VPS26C: variants seen among roughly 807,000 people sequenced by gnomAD.
VPS26C encodes vacuolar protein sorting-associated protein 26C.
In VPS26C, 19 loss-of-function variants were observed where a neutral mutation model predicts 30.6. That is an observed-to-expected ratio of 0.62 (90% CI 0.43 to 0.91). VPS26C has a LOEUF of 0.91. Among genes scored for constraint, VPS26C ranks in the 40% least tolerant of loss-of-function variants. The probability of loss-of-function intolerance (pLI) is 0.00; values close to 1 mark genes in which losing one functional copy is unlikely to be tolerated. For missense variants in VPS26C, 318 were observed against 385.1 expected (o/e 0.83, Z 1.46); for synonymous variants, 132 against 151.5 (o/e 0.87, Z 0.95).
chr21:37,253,907 C>T lies in VPS26C; in HGVS notation c.58-13268G>A, dbSNP rs1361430242. On this transcript the variant is annotated intron_variant, in intron 1 of 7. Transcript: ENST00000309117. ...TCCAAATCTGAAAAAATTCCAAAAT[C>T]CAAAACACCTCTAGTCCCAAGCATT... 3.3e-5 allele frequency among the ~76,000 whole-genome samples: 5 copies of T among 152,250 alleles called. No homozygotes were observed. The East Asian group carries it at 9.6e-4, about 29-fold the overall frequency.
At chr21:37,242,557 G>A (rs1052657603) in intron 1 of VPS26C, among the ~76,000 whole-genome samples, 3 of 152,132 alleles carry the variant, frequency 2.0e-5, no homozygotes, top group Admixed American at 6.5e-5. Flanking sequence ...CTGCACTCCA[G>A]CCTGAGTAAT....
intron 3 of VPS26C, among the ~76,000 whole-genome samples, chr21:37,237,932 C>T (rs555356285): frequency 1.3e-5 from 2 of 152,322 alleles, no homozygotes; most frequent in South Asian, 2.1e-4. Flanking sequence ...TCTCACCCCG[C>T]GTGGACTCCA....
intron 1 of VPS26C, among the ~76,000 whole-genome samples, chr21:37,259,964 T>C (rs2086287696): frequency 6.6e-6 from 1 of 152,214 alleles, no homozygotes; most frequent in African/African-American, 2.4e-5. Flanking sequence ...TGTTGGAAGC[T>C]AGGATAAGTG....
chr21:37,233,256 C>T lies in VPS26C; in HGVS notation c.432+106G>A, dbSNP rs1834795846. 1.0e-6 allele frequency: 1 copy of T among 963,466 alleles called. No homozygotes were observed. The highest frequency in any genetic ancestry group is 1.6e-5 in the African/African-American group (1 of 62,358). The allele number at this position is 963,466 out of a possible 1,614,324, so 59.7% of individuals were successfully genotyped here. ...AAGTCTTGTGTCTTCTGCCAGCACC[C>T]GTGAAACAGTAAGAGGCTAAATGGT... On this transcript the variant is annotated intron_variant, in intron 4 of 7. Coordinates refer to ENST00000309117, the MANE Select transcript of VPS26C (RefSeq NM_006052.2). This position sits in a 1 kb window ranked among gnomAD's most constrained non-coding sequence, Gnocchi z 5.2.
intron 1 of VPS26C, among the ~76,000 whole-genome samples, chr21:37,245,661 G>C (rs1232844463): frequency 6.6e-6 from 1 of 152,202 alleles, no homozygotes; most frequent in African/African-American, 2.4e-5. Flanking sequence ...AGGGCAGAGT[G>C]ATTGGCAACA....
intron 3 of VPS26C, among the ~76,000 whole-genome samples, chr21:37,236,774 T>G (rs1409403285): frequency 6.6e-6 from 1 of 152,166 alleles, no homozygotes; most frequent in Admixed American, 6.5e-5. Flanking sequence ...AATTCCAAAT[T>G]GTAGTACTCT....
At chr21:37,267,629 G>A (rs1358141598), upstream of VPS26C, 7 of 329,166 alleles carry the variant, frequency 2.1e-5, no homozygotes, top group African/African-American at 4.4e-5. Context: ...CCGGGTTAGC[G>A]GAGGGAGGGA....
rs150772143 is a variant in VPS26C, at chr21:37,227,751, G to A, written c.714C>T (p.Ala238=). Residue 238 remains alanine (A), a synonymous_variant, in exon 7 of 8, where the codon GCC becomes GCT. Transcript: ENST00000309117. ...DATEIQNIQI[A]DGDVCRGLSV... ...AGAGGCCCCTGCACACATCCCCGTC[G>A]GCGATCTGAATGTTCTGAATCTCCG... The A allele has an allele frequency of 2.5e-5, 40 of 1,614,182 alleles. No individual in the cohort carries two copies. Among genetic ancestry groups the A allele is most frequent in the South Asian group, 3.3e-5 (3 of 91,090 alleles).
At chr21:37,232,957 G>A (rs537948943) in intron 4 of VPS26C, among the ~76,000 whole-genome samples, 2 of 152,214 alleles carry the variant, frequency 1.3e-5, no homozygotes, top group African/African-American at 2.4e-5. Context: ...TACTTTAAAC[G>A]TTACCAAAAC....
chr21:37,257,320 C>G lies in VPS26C; in HGVS notation c.57+9918G>C, dbSNP rs561511411. Among the ~76,000 whole-genome samples, 14 of 152,214 alleles carry G rather than the reference C, an allele frequency of 9.2e-5. No individual in the cohort carries two copies. The East Asian group carries it at 2.1e-3, about 23-fold the overall frequency. On this transcript the variant is annotated intron_variant, in intron 1 of 7. Transcript: ENST00000309117. The surrounding 1 kb of genome is among the most constrained non-coding windows in gnomAD (Gnocchi z 4.2). ...TGGACAGGCAAACAGGCAAGGTTCC[C>G]TCTGAGGCCGTAGCGGCTTCTCGTG...
chr21:37,267,508 C>G, upstream of VPS26C: 1 of 585,268 alleles, frequency 1.7e-6, no homozygotes, highest in Non-Finnish European at 3.0e-6. Flanking sequence ...TTAGTGCGGG[C>G]CGAAGCGCTG....
At chr21:37,247,081 G>A (rs1482601748) in intron 1 of VPS26C, among the ~76,000 whole-genome samples, 1 of 152,168 alleles carries the variant, frequency 6.6e-6, no homozygotes, top group African/African-American at 2.4e-5. Context: ...GTAGCTGTAA[G>A]CCATATGTGA....
At chr21:37,229,191 C>CT (rs1371342349) in intron 5 of VPS26C, 1 of 152,790 alleles carries the variant, frequency 6.5e-6, no homozygotes, top group African/African-American at 2.4e-5. Flanking sequence ...TGATGATGGT[C>CT]TAGAGCAGGG....
chr21:37,240,608 C>G lies in VPS26C; in HGVS notation c.89G>C (p.Ser30Thr). ...TCCCTGGTGTTGGACTGAATCCTTA[C>G]TCGATATGACCACCACGCCAGAGAG... ...EVLSGVVVISSKDSVQHQGVS... is the reference protein window; with the variant it reads ...EVLSGVVVISTKDSVQHQGVS... Residue 30 changes from serine (S) to threonine (T), a missense_variant, in exon 2 of 8, where the codon AGT becomes ACT. Coordinates refer to ENST00000309117, the MANE Select transcript of VPS26C (RefSeq NM_006052.2). 1 of 1,614,224 alleles carries G rather than the reference C, an allele frequency of 6.2e-7. No individual in the cohort carries two copies.
In VPS26C at chr21:37,252,001, C is replaced by T. The variant is rs149040948; in HGVS notation, c.58-11362G>A. Among the ~76,000 whole-genome samples, 32 of 152,326 alleles carry T rather than the reference C, an allele frequency of 2.1e-4. No individual in the cohort carries two copies. The East Asian group carries it at 5.6e-3, about 27-fold the overall frequency. Reference sequence around the variant, plus strand: ...GGGATGCACCATGACAGCCCATCTTCGTTCCCCACAGTCGTGTGCATATAT... The same window carrying T: ...GGGATGCACCATGACAGCCCATCTTTGTTCCCCACAGTCGTGTGCATATAT... On this transcript the variant is annotated intron_variant, in intron 1 of 7. Coordinates refer to ENST00000309117, the MANE Select transcript of VPS26C (RefSeq NM_006052.2).
intron 1 of VPS26C, among the ~76,000 whole-genome samples, chr21:37,256,542 G>A (rs1287136173): frequency 1.3e-5 from 2 of 152,076 alleles, no homozygotes; most frequent in Admixed American, 1.3e-4. Flanking sequence ...TTATTTATAA[G>A]GAAACAACCA....
At position 37,225,124 on chromosome 21, in the gene VPS26C, C is replaced by T; in HGVS notation, c.*420G>A. 1 of 193,680 alleles carries T rather than the reference C, an allele frequency of 5.2e-6. No individual in the cohort carries two copies. Among genetic ancestry groups the T allele is most frequent in the South Asian group, 1.0e-4 (1 of 9,706 alleles). 12.0% of individuals were successfully genotyped at this position (193,680 alleles called of 1,614,324 possible). The stretch of plus-strand genomic sequence containing the variant: ...GCAGCCATCCTGGATGTCAACTGGC[C>T]ACAGACCCTTTGCTATGGGGAGTCC... On this transcript the variant is annotated 3_prime_UTR_variant, in exon 8 of 8. Coordinates refer to ENST00000309117, the MANE Select transcript of VPS26C (RefSeq NM_006052.2).
At position 37,223,508 on chromosome 21, in the gene VPS26C, C is replaced by G. The variant is rs772174575; in HGVS notation, c.*2036G>C. On this transcript the variant is annotated 3_prime_UTR_variant, in exon 8 of 8. Coordinates refer to ENST00000309117, the MANE Select transcript of VPS26C (RefSeq NM_006052.2). ...AAAATTGTCATTAGCTTTTTAAATT[C>G]GTTAAATATTTTCATCTCATTAAAA... is the stretch of plus-strand genomic sequence containing the variant. 2.0e-5 allele frequency: 3 copies of G among 152,194 alleles called. No homozygotes were observed. Among genetic ancestry groups the G allele is most frequent in the African/African-American group, 7.2e-5 (3 of 41,440 alleles). The allele number at this position is 152,194 out of a possible 1,614,324, so 9.4% of individuals were successfully genotyped here.
In VPS26C at chr21:37,233,714, G is replaced by A. The variant is rs1274448314; in HGVS notation, c.352-272C>T. Among the ~76,000 whole-genome samples, 2 of 152,208 alleles carry A rather than the reference G, an allele frequency of 1.3e-5. No homozygotes were observed. The highest frequency in any genetic ancestry group is 4.8e-5 in the African/African-American group (2 of 41,450). On this transcript the variant is annotated intron_variant, in intron 3 of 7. Transcript: ENST00000309117. The surrounding 1 kb of genome is among the most constrained non-coding windows in gnomAD (Gnocchi z 5.2). ...CAGTTGGACCCACTGGCAAACAGGTGCACGGTCCCACCTGTAGCAGGGAGC... is the reference window on the plus strand; with the variant it reads ...CAGTTGGACCCACTGGCAAACAGGTACACGGTCCCACCTGTAGCAGGGAGC...
Sources: allele counts gnomAD v4.1 joint callset (sites outside exome capture counted in the v4.1 genomes callset), GRCh38; gene constraint gnomAD v4.1.1; non-coding constraint Gnocchi (gnomAD v3.1); transcripts MANE v1.5; gene names NCBI Gene and HGNC (gene_info 2026-07-23, HGNC 2026-07-21).